The following ZDHHC14 variants were observed in gnomAD, a reference collection of about 807,000 sequenced individuals.
The protein encoded by ZDHHC14 is zDHHC palmitoyltransferase 14.
ZDHHC14 carries 16 observed loss-of-function variants against 47.7 expected under a neutral mutation model. That is an observed-to-expected ratio of 0.34 (90% CI 0.23 to 0.51). The LOEUF is 0.51. ZDHHC14 is among the 20% of genes least tolerant of loss of function. ZDHHC14 has a pLI of 0.97. For missense variants in ZDHHC14, 515 were observed against 662.5 expected, an observed-to-expected ratio of 0.78 and a Z score of 2.44; for synonymous variants, 293 against 278.9, an observed-to-expected ratio of 1.05 and a Z score of -0.50.
intron 2 of ZDHHC14, among the ~76,000 whole-genome samples, chr6:157,552,050 C>T (rs1002049293): frequency 3.3e-5 from 5 of 152,126 alleles, no homozygotes; most frequent in Non-Finnish European, 7.3e-5. Flanking sequence ...ATTATTTCGA[C>T]GGTTCCACTG....
chr6:157,676,913 T>C lies in ZDHHC14; in HGVS notation c.*3791T>C, dbSNP rs970077320. Reference sequence around the variant, plus strand: ...GGGATCGGGGTTTGCGTTGATATTATAAGGAATCTTCCCAGAAGGAGCTGC... The same window carrying C: ...GGGATCGGGGTTTGCGTTGATATTACAAGGAATCTTCCCAGAAGGAGCTGC... On this transcript the variant is annotated 3_prime_UTR_variant, in exon 9 of 9. Coordinates refer to ENST00000359775, the MANE Select transcript of ZDHHC14 (RefSeq NM_024630.3). 1 of 152,246 alleles carries C rather than the reference T, an allele frequency of 6.6e-6. No homozygotes were observed. The highest frequency in any genetic ancestry group is 2.4e-5 in the African/African-American group (1 of 41,452). 9.4% of individuals were successfully genotyped at this position (152,246 alleles called of 1,614,324 possible). A position where few individuals can be genotyped will look rare whatever the true frequency, so the allele number is the denominator to read the frequency against.
intron 1 of ZDHHC14, among the ~76,000 whole-genome samples, chr6:157,475,965 G>C (rs181335): frequency 0.24 from 36,203 of 151,898 alleles, 4,700 homozygotes; most frequent in East Asian, 0.43. Flanking sequence ...AGTCCTAAGA[G>C]GGAAGTTTAT....
At chr6:157,403,899 G>C (rs1777693864) in intron 1 of ZDHHC14, among the ~76,000 whole-genome samples, 1 of 152,238 alleles carries the variant, frequency 6.6e-6, no homozygotes, top group Admixed American at 6.5e-5. Context: ...ACCAACACCA[G>C]CAGGTGCCTT....
intron 1 of ZDHHC14, among the ~76,000 whole-genome samples, chr6:157,440,030 A>C (rs1480769069): frequency 6.6e-6 from 1 of 152,060 alleles, no homozygotes. Context: ...GAGGAGGGAG[A>C]GCATCAGGAA....
intron 1 of ZDHHC14, among the ~76,000 whole-genome samples, chr6:157,465,105 C>CTTTTTTTTTTTTTTTTTTTTTTTCA (rs772080368): frequency 9.8e-6 from 1 of 102,010 alleles, no homozygotes; most frequent in Non-Finnish European, 1.9e-5. Context: ...TCTCTTTCTC[C>CTTTTTTTTTTTTTTTTTTTTTTTCA]TTTTTTTTTT....
intron 1 of ZDHHC14, among the ~76,000 whole-genome samples, chr6:157,453,228 T>A (rs1002433666): frequency 6.6e-6 from 1 of 152,190 alleles, no homozygotes; most frequent in Non-Finnish European, 1.5e-5. Context: ...CTACTTCTCA[T>A]CTATGTTCTT....
intron 1 of ZDHHC14, among the ~76,000 whole-genome samples, chr6:157,487,645 A>G (rs1389870658): frequency 6.6e-6 from 1 of 152,190 alleles, no homozygotes; most frequent in Non-Finnish European, 1.5e-5. Flanking sequence ...CTTAACCTCT[A>G]TGCATACTGC....
chr6:157,650,500 A>G (rs745455146), intron 7 of ZDHHC14, among the ~76,000 whole-genome samples: 1 of 152,080 alleles, frequency 6.6e-6, no homozygotes, highest in African/African-American at 2.4e-5. Context: ...CTGCTACATT[A>G]AACAGGCTGG....
In ZDHHC14 at chr6:157,628,477, G is replaced by A. The variant is rs1225469946; in HGVS notation, c.694G>A (p.Val232Ile). The change falls in exon 4 of 9, where the codon GTC (valine) becomes ATC (isoleucine). Residue 232 changes from valine to isoleucine, a missense_variant. Physicochemically the swap from Val to Ile is conservative, Grantham distance 29. Transcript: ENST00000359775. The stretch of plus-strand genomic sequence containing the variant: ...TATATTTGCATTCGTTATCACCCAC[G>A]TCATTCTTCGTAAGTATGCTGGCGA... ...VFIFAFVITH[V>I]ILRSQQTGFL... 9 of 1,611,768 alleles carry A rather than the reference G, an allele frequency of 5.6e-6. No homozygotes were observed. In the Admixed American group the frequency reaches 6.7e-5, roughly 12 times the overall value.
chr6:157,627,378 C>G (rs938162403), intron 3 of ZDHHC14, among the ~76,000 whole-genome samples: 1 of 152,108 alleles, frequency 6.6e-6, no homozygotes, highest in African/African-American at 2.4e-5. Context: ...ATATGCCCAG[C>G]GGTGTCCTCC....
Position 157,616,703 on chromosome 6 carries a change from G to A in ZDHHC14, c.566-11646G>A, listed in dbSNP as rs373153293. On this transcript the variant is annotated intron_variant, in intron 3 of 8. Transcript: ENST00000359775. The stretch of plus-strand genomic sequence containing the variant: ...ATCCCAACCACACACGAGGCAGGAG[G>A]AACAGATACTTCGGGGGGATCAGAC... Among the ~76,000 whole-genome samples, 5 of 152,196 alleles carry A rather than the reference G, an allele frequency of 3.3e-5. No homozygotes were observed. In the South Asian group the frequency reaches 1.0e-3, roughly 32 times the overall value.
At chr6:157,407,084 T>C (rs1430169348) in intron 1 of ZDHHC14, among the ~76,000 whole-genome samples, 1 of 152,254 alleles carries the variant, frequency 6.6e-6, no homozygotes, top group Non-Finnish European at 1.5e-5. Flanking sequence ...AGGAATTTTA[T>C]ACGTCTCACT....
chr6:157,614,548 C>G (rs1185720127), intron 3 of ZDHHC14, among the ~76,000 whole-genome samples: 1 of 152,194 alleles, frequency 6.6e-6, no homozygotes, highest in Non-Finnish European at 1.5e-5. Flanking sequence ...TCACAACTTC[C>G]TCACTGTGTG....
chr6:157,419,314 T>A (rs1778049729), intron 1 of ZDHHC14, among the ~76,000 whole-genome samples: 1 of 152,236 alleles, frequency 6.6e-6, no homozygotes, highest in South Asian at 2.1e-4. Flanking sequence ...ATGCCTAATG[T>A]CATGTGCCCA....
At position 157,447,135 on chromosome 6, in the gene ZDHHC14, AG is replaced by A. The variant is rs111627079; in HGVS notation, c.245+64870del. 7.5e-3 allele frequency among the ~76,000 whole-genome samples: 1,140 copies of A among 152,168 alleles called. 9 individuals are homozygous for A. The highest frequency in any genetic ancestry group is 0.021 in the African/African-American group (892 of 41,556). On this transcript the variant is annotated intron_variant, in intron 1 of 8. Transcript: ENST00000359775. ...TCCATATCAAAAAAGAAAGAAAGAA[AG>A]AAAAAAAGATATGCACATTTGTAAA...
intron 1 of ZDHHC14, among the ~76,000 whole-genome samples, chr6:157,383,060 G>A (rs764610214): frequency 3.5e-4 from 54 of 152,310 alleles, no homozygotes; most frequent in Admixed American, 8.5e-4. Context: ...GATAAAAAGC[G>A]CATGCAAGTC....
chr6:157,600,530 C>T (rs1160686259), intron 3 of ZDHHC14, among the ~76,000 whole-genome samples: 2 of 152,170 alleles, frequency 1.3e-5, no homozygotes, highest in African/African-American at 4.8e-5. Context: ...CTCAGCCTCC[C>T]GAGTAGCTGG....
In ZDHHC14 at chr6:157,525,306, G is replaced by A. The variant is rs182385305; in HGVS notation, c.246-17279G>A. ...CCCCTGAGTAGCCAGGACTACAGGC[G>A]TGCATCACCATGGCCAGCTAATTTT... On this transcript the variant is annotated intron_variant, in intron 1 of 8. Transcript: ENST00000359775. Among the ~76,000 whole-genome samples the A allele has an allele frequency of 6.6e-5, 10 of 152,218 alleles. No individual in the cohort carries two copies. In the East Asian group the frequency reaches 1.2e-3, roughly 18 times the overall value.
chr6:157,419,085 C>A (rs1442917438), intron 1 of ZDHHC14, among the ~76,000 whole-genome samples: 2 of 152,170 alleles, frequency 1.3e-5, no homozygotes, highest in Admixed American at 6.5e-5. Context: ...GGGAATTCAA[C>A]CATTTTTCTC....
Sources: gnomAD v4.1 joint callset for allele counts (sites outside exome capture counted in the v4.1 genomes callset) on GRCh38, gnomAD v4.1.1 for gene constraint, MANE v1.5 for transcripts, NCBI Gene and HGNC (gene_info 2026-07-23, HGNC 2026-07-21) for gene names.